OSBPL10: variants seen among roughly 807,000 people sequenced by gnomAD.
OSBPL10 encodes the protein oxysterol binding protein like 10.
OSBPL10 carries 49 observed loss-of-function variants against 81.7 expected under a neutral mutation model. The observed-to-expected ratio is 0.60, with a 90% CI of 0.48 to 0.76. The LOEUF (loss-of-function observed/expected upper bound fraction) is 0.76. OSBPL10 is among the 30% of genes least tolerant of loss of function. The probability of loss-of-function intolerance (pLI) is 0.00; values close to 1 mark genes in which losing one functional copy is unlikely to be tolerated. For synonymous variants in OSBPL10, 419 were observed against 383.6 expected (o/e 1.09, Z -1.08); for missense variants, 923 against 987.8 (o/e 0.93, Z 0.88).
Position 31,873,236 on chromosome 3 carries a change from A to G in OSBPL10, c.537+3197T>C, listed in dbSNP as rs535345808. 3.0e-4 allele frequency among the ~76,000 whole-genome samples: 46 copies of G among 152,332 alleles called. No homozygotes were observed. In the East Asian group the frequency reaches 8.3e-3, roughly 27 times the overall value. ...TAAACCTCAATTTAAAAAAAATGCA[A>G]TCAATATTCTACCATATTCTACGAT... On this transcript the variant is annotated intron_variant, in intron 3 of 11. Coordinates refer to ENST00000396556, the MANE Select transcript of OSBPL10 (RefSeq NM_017784.5).
chr3:31,844,695 C>A (rs1700584641), intron 3 of OSBPL10, among the ~76,000 whole-genome samples: 1 of 152,166 alleles, frequency 6.6e-6, no homozygotes, highest in Admixed American at 6.5e-5. Context: ...TTTGTGGTAG[C>A]AAAAATTGTT....
chr3:32,068,785 C>T (rs1699802692), intron 1 of OSBPL10, among the ~76,000 whole-genome samples: 1 of 152,086 alleles, frequency 6.6e-6, no homozygotes, highest in East Asian at 1.9e-4. Context: ...AAGCCTCCTT[C>T]TTTCCCTCCT....
intron 1 of OSBPL10, among the ~76,000 whole-genome samples, chr3:31,891,857 A>G (rs1695902679): frequency 6.6e-6 from 1 of 152,208 alleles, no homozygotes; most frequent in Admixed American, 6.5e-5. Context: ...TGAAGAGGGT[A>G]GCTCCAAGTC....
chr3:31,902,187 C>T (rs921317450), intron 1 of OSBPL10, among the ~76,000 whole-genome samples: 2 of 151,846 alleles, frequency 1.3e-5, no homozygotes, highest in African/African-American at 4.8e-5. Flanking sequence ...TTTAAACAAG[C>T]TAATGCACAT....
Position 31,981,118 on chromosome 3 carries a change from C to T in OSBPL10, c.62G>A (p.Ser21Asn), listed in dbSNP as rs866294843. The change falls in exon 1 of 12, where the codon AGC becomes AAC. Residue 21 changes from serine to asparagine, a missense_variant. Coordinates refer to ENST00000396556, the MANE Select transcript of OSBPL10 (RefSeq NM_017784.5). The surrounding 1 kb of genome is among the most constrained non-coding windows in gnomAD (Gnocchi z 4.5). Reference sequence around the variant, plus strand: ...GGAGCCCGCCGAGGTAGCACGGCTGCTGCTGCGGCTGCTGCTGTTGCTACC... The same window carrying T: ...GGAGCCCGCCGAGGTAGCACGGCTGTTGCTGCGGCTGCTGCTGTTGCTACC... ...GGGSNSSSRS[S>N]SRATSAGSSP... is the part of the protein sequence containing the mutation. 1 of 1,492,322 alleles carries T rather than the reference C, an allele frequency of 6.7e-7. No homozygotes were observed. The allele number at this position is 1,492,322 out of a possible 1,614,324, so 92.4% of individuals were successfully genotyped here.
At chr3:31,841,340 C>G (rs1700492646) in intron 3 of OSBPL10, among the ~76,000 whole-genome samples, 1 of 152,212 alleles carries the variant, frequency 6.6e-6, no homozygotes, top group African/African-American at 2.4e-5. Flanking sequence ...TATTTTTCTA[C>G]TAATTTCTGA....
At chr3:31,676,770 G>A (rs142725523) in intron 8 of OSBPL10, among the ~76,000 whole-genome samples, 2 of 152,374 alleles carry the variant, frequency 1.3e-5, no homozygotes, top group Non-Finnish European at 2.9e-5. Context: ...TTTGAGGGAA[G>A]TGGGCTGCAA....
chr3:31,777,508 G>C (rs1014867293), intron 4 of OSBPL10, among the ~76,000 whole-genome samples: 7 of 152,320 alleles, frequency 4.6e-5, no homozygotes, highest in African/African-American at 1.7e-4. Context: ...ACAGGAGATA[G>C]GACTGACATG....
chr3:31,698,074 T>C (rs1180021383), intron 7 of OSBPL10, among the ~76,000 whole-genome samples: 1 of 151,952 alleles, frequency 6.6e-6, no homozygotes, highest in East Asian at 1.9e-4. Flanking sequence ...CTTCCTTCTC[T>C]CTTCTACCCT....
chr3:31,936,121 C>T (rs1018343960), intron 1 of OSBPL10, among the ~76,000 whole-genome samples: 5 of 152,110 alleles, frequency 3.3e-5, no homozygotes, highest in African/African-American at 1.2e-4. Context: ...TTTAAATGTC[C>T]ATTCCTGAGC....
At chr3:31,819,534 C>G (rs1046471147) in intron 4 of OSBPL10, among the ~76,000 whole-genome samples, 5 of 152,184 alleles carry the variant, frequency 3.3e-5, no homozygotes, top group African/African-American at 1.2e-4. Flanking sequence ...GGGTACTGCA[C>G]AGGCCAGGGG....
intron 2 of OSBPL10, among the ~76,000 whole-genome samples, chr3:32,003,778 C>T (rs1407424766): frequency 6.6e-6 from 1 of 152,170 alleles, no homozygotes; most frequent in Non-Finnish European, 1.5e-5. Context: ...CTGAGGGCAC[C>T]TCTCTCTGAG....
At chr3:31,693,209 C>A (rs887356856) in intron 7 of OSBPL10, among the ~76,000 whole-genome samples, 2 of 152,142 alleles carry the variant, frequency 1.3e-5, no homozygotes, top group Non-Finnish European at 2.9e-5. Context: ...GGGTTCATTT[C>A]CAGGATAAAC....
intron 1 of OSBPL10, among the ~76,000 whole-genome samples, chr3:31,908,203 C>T (rs951463369): frequency 6.6e-6 from 1 of 152,048 alleles, no homozygotes; most frequent in African/African-American, 2.4e-5. Flanking sequence ...GAACCAGAGC[C>T]AGATCACACA....
intron 2 of OSBPL10, among the ~76,000 whole-genome samples, chr3:31,879,157 C>T (rs1371388217): frequency 1.3e-5 from 2 of 151,978 alleles, no homozygotes; most frequent in Non-Finnish European, 2.9e-5. Context: ...AGAAAGCATA[C>T]AAAGGGACAT....
upstream of OSBPL10, among the ~76,000 whole-genome samples, chr3:31,984,193 C>G (rs1698901579): frequency 6.6e-6 from 1 of 152,148 alleles, no homozygotes; most frequent in South Asian, 2.1e-4. Context: ...GCACCTGCCA[C>G]CATGCCCAGC....
intron 5 of OSBPL10, among the ~76,000 whole-genome samples, chr3:31,734,738 C>CA (rs145611569): frequency 1.3e-5 from 2 of 151,866 alleles, no homozygotes; most frequent in East Asian, 1.9e-4. Context: ...ACACTGTCTC[C>CA]AAAAAAGCTA....
At chr3:32,068,524 C>A (rs1299228449) in intron 1 of OSBPL10, among the ~76,000 whole-genome samples, 2 of 151,458 alleles carry the variant, frequency 1.3e-5, no homozygotes, top group African/African-American at 2.4e-5. Context: ...TCTCAAGAAC[C>A]TAAAACCTCT....
chr3:31,746,940 G>A (rs557394696), intron 5 of OSBPL10, among the ~76,000 whole-genome samples: 15 of 152,150 alleles, frequency 9.9e-5, no homozygotes, highest in South Asian at 4.1e-4. Flanking sequence ...AAACCTGCAC[G>A]TTGTGCACAT....
Sources: gnomAD v4.1 joint callset for allele counts (sites outside exome capture counted in the v4.1 genomes callset) on GRCh38, gnomAD v4.1.1 for gene constraint, Gnocchi (gnomAD v3.1) non-coding constraint, MANE v1.5 for transcripts, NCBI Gene and HGNC (gene_info 2026-07-23, HGNC 2026-07-21) for gene names.